The following ROBO1 variants were observed in gnomAD, a reference collection of about 807,000 sequenced individuals.
The protein encoded by ROBO1 is roundabout guidance receptor 1.
Under a neutral mutation model 195.9 loss-of-function variants are expected in ROBO1, and 149 were observed. That is an observed-to-expected ratio of 0.76 (90% CI 0.67 to 0.87). The LOEUF (loss-of-function observed/expected upper bound fraction) is 0.87. Among genes scored for constraint, ROBO1 ranks in the 40% least tolerant of loss-of-function variants. ROBO1 has a pLI of 0.00. For missense variants in ROBO1, 1,933 were observed against 2,068.3 expected, an observed-to-expected ratio of 0.93 and a Z score of 1.27; for synonymous variants, 816 against 733.2, an observed-to-expected ratio of 1.11 and a Z score of -1.82.
intron 1 of ROBO1, among the ~76,000 whole-genome samples, chr3:79,699,290 G>T (rs968196957): frequency 4.0e-5 from 6 of 151,264 alleles, no homozygotes; most frequent in African/African-American, 1.2e-4. Flanking sequence ...GAGATTCCAT[G>T]ATATGTTACT....
intron 8 of ROBO1, among the ~76,000 whole-genome samples, chr3:78,713,806 T>A (rs2081827847): frequency 6.6e-6 from 1 of 152,206 alleles, no homozygotes; most frequent in Non-Finnish European, 1.5e-5. Context: ...AATAAATCTG[T>A]ATCAAAATTA....
At chr3:78,947,417 A>G (rs150469947) in intron 3 of ROBO1, among the ~76,000 whole-genome samples, 6,961 of 152,310 alleles carry the variant, frequency 0.046, 202 homozygotes, top group Non-Finnish European at 0.073. Context: ...CTGCTCCTGA[A>G]TGACTACTGG....
At chr3:78,665,734 T>G (rs540478774) in intron 14 of ROBO1, among the ~76,000 whole-genome samples, 6 of 152,294 alleles carry the variant, frequency 3.9e-5, no homozygotes, top group African/African-American at 1.4e-4. Context: ...ATGGGTATGT[T>G]TAGCCCCATT....
At chr3:79,207,022 G>T (rs1185869536) in intron 2 of ROBO1, among the ~76,000 whole-genome samples, 1 of 152,086 alleles carries the variant, frequency 6.6e-6, no homozygotes, top group East Asian at 1.9e-4. Context: ...TATGTGAAGT[G>T]CATTTGCATG....
At position 78,942,171 on chromosome 3, in the gene ROBO1, C is replaced by T. The variant is rs142962180; in HGVS notation, c.173-3244G>A. ...CAAACAATTAGCCAGGTGTATGATGCACGCCTGTAATCCCAGCAACTCAGG... is the reference window on the plus strand; with the variant it reads ...CAAACAATTAGCCAGGTGTATGATGTACGCCTGTAATCCCAGCAACTCAGG... On this transcript the variant is annotated intron_variant, in intron 3 of 30. Coordinates refer to ENST00000464233, the MANE Select transcript of ROBO1 (RefSeq NM_002941.4). 2.7e-3 allele frequency among the ~76,000 whole-genome samples: 415 copies of T among 152,086 alleles called. 2 individuals are homozygous for T. The highest frequency in any genetic ancestry group is 9.3e-3 in the African/African-American group (387 of 41,506).
intron 10 of ROBO1, 73 bp downstream of exon 10, chr3:78,685,673 T>C (rs2081034776): frequency 1.9e-6 from 2 of 1,041,124 alleles, no homozygotes; most frequent in Non-Finnish European, 2.7e-6. Flanking sequence ...TGGAAATAAA[T>C]ATATCTACTG....
At chr3:78,619,058 G>A (rs1388388919) in intron 26 of ROBO1, among the ~76,000 whole-genome samples, 2 of 152,210 alleles carry the variant, frequency 1.3e-5, no homozygotes, top group Non-Finnish European at 2.9e-5. Context: ...ATCAAAAAAG[G>A]AAGACATGGT....
At chr3:79,609,020 C>A (rs1446078051) in intron 1 of ROBO1, among the ~76,000 whole-genome samples, 1 of 151,862 alleles carries the variant, frequency 6.6e-6, no homozygotes, top group Non-Finnish European at 1.5e-5. Flanking sequence ...GCATTCGTCC[C>A]ATTTGTCCTT....
intron 3 of ROBO1, among the ~76,000 whole-genome samples, chr3:79,064,814 C>T (rs573210755): frequency 3.2e-4 from 48 of 152,070 alleles, no homozygotes; most frequent in Admixed American, 5.2e-4. Flanking sequence ...CTTTCTAATA[C>T]TCAAATACTC....
intron 1 of ROBO1, among the ~76,000 whole-genome samples, chr3:79,636,742 T>C (rs1008441819): frequency 6.6e-6 from 1 of 152,196 alleles, no homozygotes; most frequent in East Asian, 1.9e-4. Context: ...ACAAGAGTAT[T>C]GCAGGCACTA....
chr3:78,784,113 A>G (rs1477519474), intron 4 of ROBO1, among the ~76,000 whole-genome samples: 1 of 152,186 alleles, frequency 6.6e-6, no homozygotes. Flanking sequence ...TATAGAGGTA[A>G]GCATATCCAT....
intron 4 of ROBO1, among the ~76,000 whole-genome samples, chr3:78,804,732 C>CAA (rs10576248): frequency 1.1e-5 from 1 of 93,182 alleles, no homozygotes; most frequent in African/African-American, 4.0e-5. Flanking sequence ...GGAGCAAAGG[C>CAA]AAAAAAAAAA....
chr3:78,760,439 G>A (rs1041596840), intron 4 of ROBO1, among the ~76,000 whole-genome samples: 1 of 152,138 alleles, frequency 6.6e-6, no homozygotes, highest in African/African-American at 2.4e-5. Context: ...GCCGAGGCAG[G>A]AGGACTGCCT....
intron 4 of ROBO1, among the ~76,000 whole-genome samples, chr3:78,915,684 T>C (rs2107561901): frequency 6.6e-6 from 1 of 152,236 alleles, no homozygotes; most frequent in Non-Finnish European, 1.5e-5. Flanking sequence ...CATTTCTTTC[T>C]GTTTTTTTTG....
At chr3:79,705,364 T>G (rs1419837727) in intron 1 of ROBO1, among the ~76,000 whole-genome samples, 1 of 152,070 alleles carries the variant, frequency 6.6e-6, no homozygotes, top group Non-Finnish European at 1.5e-5. Flanking sequence ...CTGTACAGTC[T>G]CTGTCTAGAT....
At chr3:78,636,848 A>G (rs1705531143) in intron 22 of ROBO1, among the ~76,000 whole-genome samples, 1 of 149,486 alleles carries the variant, frequency 6.7e-6, no homozygotes, top group African/African-American at 2.4e-5. Context: ...TAAATATCTA[A>G]TATCTCATTT....
At chr3:79,517,975 A>G (rs1255836856) in intron 2 of ROBO1, among the ~76,000 whole-genome samples, 2 of 152,180 alleles carry the variant, frequency 1.3e-5, no homozygotes, top group Non-Finnish European at 2.9e-5. Flanking sequence ...GTTAGGGTTT[A>G]TTGACCACGT....
intron 2 of ROBO1, among the ~76,000 whole-genome samples, chr3:79,442,227 C>G (rs2039080411): frequency 6.6e-6 from 1 of 151,836 alleles, no homozygotes; most frequent in South Asian, 2.1e-4. Context: ...TTTTTTTCCC[C>G]TGAATTGTGT....
intron 2 of ROBO1, among the ~76,000 whole-genome samples, chr3:79,303,038 C>T (rs2109066799): frequency 6.6e-6 from 1 of 151,460 alleles, no homozygotes; most frequent in African/African-American, 2.4e-5. Context: ...TTTGTTTGTT[C>T]ATTTTTTTAA....
Sources: allele counts gnomAD v4.1 joint callset (sites outside exome capture counted in the v4.1 genomes callset), GRCh38; gene constraint gnomAD v4.1.1; transcripts MANE v1.5; gene names NCBI Gene and HGNC (gene_info 2026-07-23, HGNC 2026-07-21).